The following TDO2 variants were observed in gnomAD, a reference collection of about 807,000 sequenced individuals.
TDO2 encodes the protein tryptophan 2,3-dioxygenase, also known as tryptamin 2,3-dioxygenase.
TDO2 carries 63 observed loss-of-function variants against 61.2 expected under a neutral mutation model. That is an observed-to-expected ratio of 1.03 (90% CI 0.84 to 1.27). The LOEUF (loss-of-function observed/expected upper bound fraction) is 1.27. TDO2 is among the 50% of genes most tolerant of loss of function. The pLI, the probability that TDO2 is intolerant of heterozygous loss-of-function variation, is 0.00. For synonymous variants in TDO2, 183 were observed against 164.0 expected, an observed-to-expected ratio of 1.12 and a Z score of -0.89; for missense variants, 494 against 469.5, an observed-to-expected ratio of 1.05 and a Z score of -0.48.
intron 7 of TDO2, among the ~76,000 whole-genome samples, chr4:155,913,763 C>T (rs1742880094): frequency 6.6e-6 from 1 of 151,966 alleles, no homozygotes; most frequent in South Asian, 2.1e-4. Context: ...TTCCCCAGCT[C>T]AATTAATTGG....
chr4:155,916,034 A>T, intron 9 of TDO2, 122 bp downstream of exon 9: 1 of 804,570 alleles, frequency 1.2e-6, no homozygotes, highest in Non-Finnish European at 1.9e-6. Context: ...TTTGTAGAAA[A>T]CTTGGAAGAT....
In TDO2 at chr4:155,903,702, A is replaced by G. The variant is rs1207544766; in HGVS notation, c.-57A>G. The G allele has an allele frequency of 7.5e-6, 12 of 1,605,052 alleles. No homozygotes were observed. Among genetic ancestry groups the G allele is most frequent in the Non-Finnish European group, 1.0e-5 (12 of 1,171,878 alleles). ...AGCTGTAGAACATCTGGGAAGGTCA[A>G]TGATAGCATCTGCCTAGAGTCAAAC... On this transcript the variant is annotated 5_prime_UTR_variant, in exon 1 of 12. It removes an upstream start codon present in the reference 5' UTR. Transcript: ENST00000536354.
chr4:155,915,025 G>T (rs1164695824), intron 8 of TDO2, among the ~76,000 whole-genome samples: 1 of 152,066 alleles, frequency 6.6e-6, no homozygotes, highest in East Asian at 1.9e-4. Context: ...TTGTGTGTGG[G>T]TGAGTTCTTT....
chr4:155,914,553 C>T, intron 8 of TDO2, 119 bp downstream of exon 8: 4 of 653,514 alleles, frequency 6.1e-6, no homozygotes, highest in African/African-American at 1.9e-5. Flanking sequence ...TGATATTCTA[C>T]TGATAGAAAC....
chr4:155,919,349 C>T (rs939147214), intron 11 of TDO2, among the ~76,000 whole-genome samples: 2 of 152,148 alleles, frequency 1.3e-5, no homozygotes, highest in Non-Finnish European at 1.5e-5. Flanking sequence ...CACACAAAAG[C>T]AATTTTAGTG....
At chr4:155,909,980 C>T (rs200298516) in intron 5 of TDO2, 45 bp from the exon 6 acceptor site, 643 of 971,858 alleles carry the variant, frequency 6.6e-4, no homozygotes, top group Non-Finnish European at 8.7e-4. Flanking sequence ...CTCCTCTCCT[C>T]TCTTTCCCTT....
At chr4:155,910,924 T>C (rs1025146930) in intron 6 of TDO2, among the ~76,000 whole-genome samples, 2 of 152,096 alleles carry the variant, frequency 1.3e-5, no homozygotes, top group African/African-American at 2.4e-5. Flanking sequence ...TTCAGAATTA[T>C]AATAAGTATA....
chr4:155,914,286 C>G (rs1213801198), intron 7 of TDO2, 37 bp from the exon 8 acceptor site: 2 of 1,473,904 alleles, frequency 1.4e-6, no homozygotes, highest in South Asian at 1.3e-5. Context: ...TCTACTTATT[C>G]TCTCTCAGGA....
Position 155,920,060 on chromosome 4 carries a change from A to T in TDO2, c.*70A>T. On this transcript the variant is annotated 3_prime_UTR_variant, in exon 12 of 12. Transcript: ENST00000536354. ...TTTTTATTTTCTATGGATTTTCATA[A>T]ATACAGTTTGAATATATGTATGCAT... is the stretch of plus-strand genomic sequence containing the variant. 6.8e-7 allele frequency: 1 copy of T among 1,476,342 alleles called. No homozygotes were observed. The highest frequency in any genetic ancestry group is 1.8e-5 in the Admixed American group (1 of 54,520). 91.5% of individuals were successfully genotyped at this position (1,476,342 alleles called of 1,614,324 possible).
rs541789219 is a variant in TDO2, at chr4:155,905,375, G to C, written c.232+218G>C. 2.6e-5 allele frequency: 11 copies of C among 425,862 alleles called. No homozygotes were observed. In the South Asian group the frequency reaches 4.6e-4, roughly 18 times the overall value. 26.4% of individuals were successfully genotyped at this position (425,862 alleles called of 1,614,324 possible). ...ACTCCTCTGCTAATAGGTGAAGTAG[G>C]ACTTTAGCTTTGTTCTTAACTCCAA... On this transcript the variant is annotated intron_variant, in intron 3 of 11. Coordinates refer to ENST00000536354, the MANE Select transcript of TDO2 (RefSeq NM_005651.4).
chr4:155,903,967 A>G, intron 1 of TDO2, 51 bp from the exon 2 acceptor site: 3 of 1,546,654 alleles, frequency 1.9e-6, no homozygotes, highest in Non-Finnish European at 2.7e-6. Flanking sequence ...TCATTAGTTA[A>G]CTGTGTTTTC....
Position 155,911,521 on chromosome 4 carries a change from T to A in TDO2, c.643T>A (p.Leu215Ile), listed in dbSNP as rs2110874498. 6.2e-7 allele frequency: 1 copy of A among 1,605,808 alleles called. No homozygotes were observed. Among genetic ancestry groups the A allele is most frequent in the South Asian group, 1.1e-5 (1 of 90,086 alleles). The change falls in exon 7 of 12, where the codon TTA (leucine) becomes ATA (isoleucine). Residue 215 changes from leucine (L) to isoleucine (I), a missense_variant. Physicochemically the swap from Leu to Ile is conservative, Grantham distance 5. Transcript: ENST00000536354. ...GGCATGGCTGGAAAGAACTCCAGGT[T>A]TAGAGCCACATGGATTTAACTTCTG... is the stretch of plus-strand genomic sequence containing the variant. Reference protein sequence around the residue: ...VEAWLERTPGLEPHGFNFWGK... With the variant: ...VEAWLERTPGIEPHGFNFWGK...
chr4:155,911,351 G>T, intron 6 of TDO2, 146 bp from the exon 7 acceptor site: 1 of 472,336 alleles, frequency 2.1e-6, no homozygotes, highest in Non-Finnish European at 3.7e-6. Flanking sequence ...AAATTGAAGA[G>T]AAATAAAAAA....
intron 2 of TDO2, 27 bp downstream of exon 2, chr4:155,904,150 TG>T: frequency 1.3e-6 from 2 of 1,542,300 alleles, no homozygotes; most frequent in Non-Finnish European, 1.8e-6. Flanking sequence ...TTACAGGGTT[TG>T]GTGTCCATTG....
At chr4:155,908,020 T>A (rs976684995) in intron 4 of TDO2, among the ~76,000 whole-genome samples, 3 of 152,188 alleles carry the variant, frequency 2.0e-5, no homozygotes, top group Admixed American at 2.0e-4. Context: ...AAGTCCCTTG[T>A]TTAGAACTCA....
rs1325127783 is a variant in TDO2, at chr4:155,920,089, T to C, written c.*99T>C. On this transcript the variant is annotated 3_prime_UTR_variant, in exon 12 of 12. Coordinates refer to ENST00000536354, the MANE Select transcript of TDO2 (RefSeq NM_005651.4). ...CAGTTTGAATATATGTATGCATATA[T>C]TGTTCAGCACCACGATGCTCTGATT... is the stretch of plus-strand genomic sequence containing the variant. The C allele has an allele frequency of 4.4e-6, 5 of 1,126,664 alleles. No homozygotes were observed. In the African/African-American group the frequency reaches 7.9e-5, roughly 18 times the overall value. 69.8% of individuals were successfully genotyped at this position (1,126,664 alleles called of 1,614,324 possible).
intron 9 of TDO2, among the ~76,000 whole-genome samples, chr4:155,916,370 G>T (rs1170809583): frequency 1.8e-5 from 1 of 55,740 alleles, no homozygotes; most frequent in South Asian, 8.5e-4. Flanking sequence ...GGGTTTCACC[G>T]TGTTAGCCAG....
At chr4:155,913,935 T>C (rs1447152402) in intron 7 of TDO2, among the ~76,000 whole-genome samples, 1 of 152,128 alleles carries the variant, frequency 6.6e-6, no homozygotes, top group Non-Finnish European at 1.5e-5. Flanking sequence ...ATAGGTTTAA[T>C]AGTTCTTCTG....
chr4:155,907,939 T>C, intron 4 of TDO2, 147 bp downstream of exon 4: 1 of 591,950 alleles, frequency 1.7e-6, no homozygotes, highest in Non-Finnish European at 2.9e-6. Flanking sequence ...GAATGAGGAG[T>C]TCAGTCATAT....
Sources: gnomAD v4.1 joint callset for allele counts (sites outside exome capture counted in the v4.1 genomes callset) on GRCh38, gnomAD v4.1.1 for gene constraint, MANE v1.5 for transcripts, NCBI Gene and HGNC (gene_info 2026-07-23, HGNC 2026-07-21) for gene names.